The following DNAH11 variants were observed in gnomAD, a reference collection of about 807,000 sequenced individuals.
DNAH11 encodes the protein axonemal beta dynein heavy chain 11.
In DNAH11, 442 loss-of-function variants were observed where a neutral mutation model predicts 526.0. That is an observed-to-expected ratio of 0.84 (90% confidence interval 0.78 to 0.91). DNAH11 has a LOEUF of 0.91. Among genes scored for constraint, DNAH11 ranks in the 40% least tolerant of loss-of-function variants. The probability of loss-of-function intolerance (pLI) is 0.00; values close to 1 mark genes in which losing one functional copy is unlikely to be tolerated. For synonymous variants in DNAH11, 2,461 were observed against 1,935.9 expected, an observed-to-expected ratio of 1.27 and a Z score of -7.12; for missense variants, 6,989 against 5,448.7, an observed-to-expected ratio of 1.28 and a Z score of -8.90.
intron 2 of DNAH11, among the ~76,000 whole-genome samples, chr7:21,549,488 AG>A (rs1288581144): frequency 6.6e-6 from 1 of 152,184 alleles, no homozygotes; most frequent in Non-Finnish European, 1.5e-5. Context: ...GAGTAGTCCC[AG>A]GCAAATGGGG....
chr7:21,761,698 A>T (rs1315625537), intron 54 of DNAH11, among the ~76,000 whole-genome samples: 1 of 152,064 alleles, frequency 6.6e-6, no homozygotes, highest in Admixed American at 6.6e-5. Flanking sequence ...TCTCCATGCC[A>T]CCCTCCCAGG....
chr7:21,716,357 T>A (rs1784662492), intron 42 of DNAH11, among the ~76,000 whole-genome samples: 1 of 152,218 alleles, frequency 6.6e-6, no homozygotes, highest in African/African-American at 2.4e-5. Flanking sequence ...ATTTGTCAGA[T>A]GCTAATGTAA....
intron 56 of DNAH11, among the ~76,000 whole-genome samples, chr7:21,776,004 G>A (rs1325068108): frequency 1.3e-5 from 2 of 152,176 alleles, no homozygotes; most frequent in African/African-American, 2.4e-5. Context: ...GTACCATCCT[G>A]GACCATTCCA....
chr7:21,771,334 T>C (rs1432705247), intron 55 of DNAH11, among the ~76,000 whole-genome samples: 1 of 152,090 alleles, frequency 6.6e-6, no homozygotes, highest in African/African-American at 2.4e-5. Context: ...TGGGTATTGG[T>C]TTATATTCAA....
At chr7:21,789,164 T>C (rs942426935) in intron 60 of DNAH11, 77 bp from the exon 61 acceptor site, 8 of 1,052,096 alleles carry the variant, frequency 7.6e-6, no homozygotes, top group Non-Finnish European at 1.1e-5. Context: ...GAGATTTTAA[T>C]TGTAAAGCAT....
At chr7:21,614,222 G>C (rs1354780942) in intron 20 of DNAH11, among the ~76,000 whole-genome samples, 1 of 152,190 alleles carries the variant, frequency 6.6e-6, no homozygotes, top group African/African-American at 2.4e-5. Flanking sequence ...ACAATTGTTG[G>C]ATCTTGGGAG....
At chr7:21,556,902 A>G (rs983173292) in intron 2 of DNAH11, among the ~76,000 whole-genome samples, 2 of 152,090 alleles carry the variant, frequency 1.3e-5, no homozygotes, top group Non-Finnish European at 2.9e-5. Flanking sequence ...TCTCTACTAA[A>G]ATACGAAAAC....
chr7:21,544,239 T>C (rs1472889291), intron 1 of DNAH11, among the ~76,000 whole-genome samples: 1 of 152,212 alleles, frequency 6.6e-6, no homozygotes, highest in Non-Finnish European at 1.5e-5. Flanking sequence ...ATTTTTCAAG[T>C]ATGATGAGTT....
intron 51 of DNAH11, 100 bp downstream of exon 51, chr7:21,745,163 C>A: frequency 8.6e-7 from 1 of 1,161,424 alleles, no homozygotes; most frequent in Non-Finnish European, 1.2e-6. Context: ...TCTGAACCAT[C>A]AGTTCTTATC....
chr7:21,900,167 T>TGGGGAA, intron 81 of DNAH11, 47 bp downstream of exon 81: 1 of 1,568,652 alleles, frequency 6.4e-7, no homozygotes, highest in South Asian at 1.2e-5. Flanking sequence ...TTACTCAGGT[T>TGGGGAA]CAGATCAGTG....
chr7:21,847,935 A>G (rs1191510413), intron 66 of DNAH11, among the ~76,000 whole-genome samples: 3 of 151,862 alleles, frequency 2.0e-5, no homozygotes, highest in South Asian at 2.1e-4. Context: ...GGAGGCTGAG[A>G]CGGGCGGATC....
At chr7:21,750,822 A>G (rs1786381510) in intron 54 of DNAH11, among the ~76,000 whole-genome samples, 1 of 152,192 alleles carries the variant, frequency 6.6e-6, no homozygotes, top group Non-Finnish European at 1.5e-5. Flanking sequence ...TATAAAGGTC[A>G]ACTGCACGGT....
At chr7:21,720,429 T>C (rs1343916138) in intron 43 of DNAH11, among the ~76,000 whole-genome samples, 2 of 130,742 alleles carry the variant, frequency 1.5e-5, no homozygotes, top group Admixed American at 7.4e-5. Context: ...ATATGTACCC[T>C]TTTTTTTTTT....
chr7:21,613,987 G>A (rs555249037), intron 20 of DNAH11, among the ~76,000 whole-genome samples: 1 of 149,352 alleles, frequency 6.7e-6, no homozygotes, highest in African/African-American at 2.5e-5. Flanking sequence ...ACATTGCCCA[G>A]GCTGGTCTCA....
Position 21,738,740 on chromosome 7 carries a change from A to G in DNAH11, c.7685A>G (p.Asn2562Ser), listed in dbSNP as rs1194055192. The G allele has an allele frequency of 1.9e-6, 3 of 1,584,872 alleles. No homozygotes were observed. Among genetic ancestry groups the G allele is most frequent in the Non-Finnish European group, 1.7e-6 (2 of 1,165,174 alleles). ...EKPLEKKAGH[N>S]YGPGGNKKLI... ...CCCCTAGAGAAAAAAGCTGGTCATA[A>G]CTATGGTCCTGGAGGAAATAAAAAA... The change falls in exon 47 of 82, where the codon AAC becomes AGC. Residue 2562 changes from asparagine (N) to serine (S), a missense_variant. Physicochemically the swap from Asn to Ser is conservative, Grantham distance 46. Transcript: ENST00000409508.
At chr7:21,803,990 A>G (rs1562556114) in intron 62 of DNAH11, among the ~76,000 whole-genome samples, 1 of 152,260 alleles carries the variant, frequency 6.6e-6, no homozygotes, top group Non-Finnish European at 1.5e-5. Flanking sequence ...GCACACGACC[A>G]TCCTATTCAG....
At chr7:21,868,440 A>G (rs555182123) in intron 72 of DNAH11, among the ~76,000 whole-genome samples, 4 of 152,292 alleles carry the variant, frequency 2.6e-5, no homozygotes, top group African/African-American at 7.2e-5. Context: ...ACTGTGCTCA[A>G]TTTAAATGCA....
At chr7:21,594,006 TCACA>T (rs909880186) in intron 14 of DNAH11, among the ~76,000 whole-genome samples, 2 of 148,922 alleles carry the variant, frequency 1.3e-5, no homozygotes, top group East Asian at 2.0e-4. Context: ...CTCTCACATA[TCACA>T]CACACACTCA....
At chr7:21,808,631 C>A (rs184713232) in intron 63 of DNAH11, among the ~76,000 whole-genome samples, 12 of 152,182 alleles carry the variant, frequency 7.9e-5, no homozygotes, top group Admixed American at 2.6e-4. Context: ...TAAGAACATA[C>A]GATATTTATC....
Sources: allele counts gnomAD v4.1 joint callset (sites outside exome capture counted in the v4.1 genomes callset), GRCh38; gene constraint gnomAD v4.1.1; transcripts MANE v1.5; gene names NCBI Gene and HGNC (gene_info 2026-07-23, HGNC 2026-07-21).